The following DSCAML1 variants were observed in gnomAD, a reference collection of about 807,000 sequenced individuals.
DSCAML1 encodes DS cell adhesion molecule like 1, also known as cell adhesion molecule DSCAML1.
Under a neutral mutation model 200.5 loss-of-function variants are expected in DSCAML1, and 38 were observed. The observed-to-expected ratio is 0.19, with a 90% CI of 0.15 to 0.25. The LOEUF is 0.25. Ranked by LOEUF, DSCAML1 falls within the 10% of genes least tolerant of loss-of-function variation. The pLI is 1.00. For missense variants in DSCAML1, 2,223 were observed against 2,858.8 expected (o/e 0.78, Z 5.07); for synonymous variants, 1,215 against 1,165.0 (o/e 1.04, Z -0.87).
chr11:117,613,163 C>G (rs1358208178), intron 3 of DSCAML1, among the ~76,000 whole-genome samples: 1 of 152,050 alleles, frequency 6.6e-6, no homozygotes, highest in African/African-American at 2.4e-5. Context: ...CCTTGATGTC[C>G]ATCCCCCACC....
At chr11:117,497,439 C>T (rs1046784579) in intron 11 of DSCAML1, among the ~76,000 whole-genome samples, 1 of 152,188 alleles carries the variant, frequency 6.6e-6, no homozygotes, top group Non-Finnish European at 1.5e-5. Flanking sequence ...ATGGGGGCTG[C>T]GGCGGGGAGC....
intron 3 of DSCAML1, among the ~76,000 whole-genome samples, chr11:117,701,563 A>C (rs1591417468): frequency 1.3e-5 from 2 of 152,120 alleles, no homozygotes; most frequent in Admixed American, 1.3e-4. Context: ...CCGGCTGGGG[A>C]AGAGCCACGA....
At chr11:117,686,860 T>TGAC (rs1292030396) in intron 3 of DSCAML1, among the ~76,000 whole-genome samples, 2 of 152,212 alleles carry the variant, frequency 1.3e-5, no homozygotes, top group Admixed American at 6.5e-5. Context: ...ATGATGATGA[T>TGAC]GGTAACTCAC....
Position 117,518,358 on chromosome 11 carries a change from CA to C in DSCAML1, c.1510+107del. 6.7e-7 allele frequency: 1 copy of C among 1,488,362 alleles called. No individual in the cohort carries two copies. The highest frequency in any genetic ancestry group is 1.4e-5 in the African/African-American group (1 of 72,298). 92.2% of individuals were successfully genotyped at this position (1,488,362 alleles called of 1,614,324 possible). On this transcript the variant is annotated intron_variant, in intron 7 of 32. Coordinates refer to ENST00000651296, the MANE Select transcript of DSCAML1 (RefSeq NM_020693.4). The surrounding 1 kb of genome is among the most constrained non-coding windows in gnomAD (Gnocchi z 6.3). ...AGGGGAGAGAGACCTCTACTAAAAT[CA>C]AAATGACGATTAATAATAAGTACTA...
chr11:117,474,678 A>G (rs970048197), intron 14 of DSCAML1, among the ~76,000 whole-genome samples: 6 of 151,870 alleles, frequency 4.0e-5, no homozygotes, highest in Admixed American at 3.3e-4. Context: ...CACCACCATT[A>G]TCAATTTCTT....
At chr11:117,742,715 C>G (rs1434139226) in intron 3 of DSCAML1, among the ~76,000 whole-genome samples, 2 of 152,196 alleles carry the variant, frequency 1.3e-5, no homozygotes, top group African/African-American at 4.8e-5. Flanking sequence ...AGCATTTGGA[C>G]CAGTTTACTC....
intron 4 of DSCAML1, among the ~76,000 whole-genome samples, chr11:117,528,104 C>T (rs368158351): frequency 2.0e-5 from 3 of 152,286 alleles, no homozygotes; most frequent in East Asian, 1.9e-4. Context: ...GCTGCAGATG[C>T]GTGGGACAAT....
intron 18 of DSCAML1, among the ~76,000 whole-genome samples, chr11:117,461,244 C>G (rs1221675448): frequency 6.6e-6 from 1 of 151,508 alleles, no homozygotes; most frequent in African/African-American, 2.4e-5. Flanking sequence ...CGGAGGTGTT[C>G]AAGTGAATCC....
chr11:117,678,296 G>A (rs111889978), intron 3 of DSCAML1, among the ~76,000 whole-genome samples: 2,422 of 152,290 alleles, frequency 0.016, 54 homozygotes, highest in African/African-American at 0.055. Flanking sequence ...GTGGGGTGGC[G>A]GGCGGGAGGA....
intron 8 of DSCAML1, among the ~76,000 whole-genome samples, chr11:117,508,611 T>C (rs1037315844): frequency 1.3e-5 from 2 of 152,034 alleles, no homozygotes; most frequent in Non-Finnish European, 2.9e-5. Context: ...TGGTCCCTCC[T>C]AGGGGCCAAG....
In DSCAML1 at chr11:117,439,255, C is replaced by T; in HGVS notation, c.4144+11G>A. On this transcript the variant is annotated intron_variant, in intron 23 of 32. Coordinates refer to ENST00000651296, the MANE Select transcript of DSCAML1 (RefSeq NM_020693.4). ...TCCCCACCTGGGGTCACCTGCCTCA[C>T]AGAGCCTCACCTTGCACCAGAAGGT... 1.2e-6 allele frequency: 2 copies of T among 1,613,512 alleles called. No individual in the cohort carries two copies. Among genetic ancestry groups the T allele is most frequent in the Non-Finnish European group, 1.7e-6 (2 of 1,179,636 alleles).
At chr11:117,525,160 A>T in intron 4 of DSCAML1, 77 bp from the exon 5 acceptor site, 1 of 1,445,560 alleles carries the variant, frequency 6.9e-7, no homozygotes, top group South Asian at 1.4e-5. Context: ...GAAGGCAAGC[A>T]CCCAGACAGG....
chr11:117,803,987 G>A (rs1367846153), intron 1 of DSCAML1, among the ~76,000 whole-genome samples: 1 of 152,222 alleles, frequency 6.6e-6, no homozygotes, highest in African/African-American at 2.4e-5. Flanking sequence ...CTGCAGGGCA[G>A]CATCCCTCCT....
chr11:117,735,366 T>C (rs1017483175), intron 3 of DSCAML1, among the ~76,000 whole-genome samples: 1 of 152,184 alleles, frequency 6.6e-6, no homozygotes, highest in African/African-American at 2.4e-5. Context: ...GGGCATGTAT[T>C]ACTATCCTCA....
rs746807553 is a variant in DSCAML1 at position 117,431,681 on chromosome 11, G to A, written c.5227C>T (p.Arg1743Trp). 8.1e-6 allele frequency: 13 copies of A among 1,608,506 alleles called. No individual in the cohort carries two copies. Among genetic ancestry groups the A allele is most frequent in the Non-Finnish European group, 1.1e-5 (13 of 1,176,540 alleles). ...NVKSAHSTRNRYSSQWTLTKC... is the reference protein window; with the variant it reads ...NVKSAHSTRNWYSSQWTLTKC... ...GTCAGGGTCCACTGGCTTGAGTACC[G>A]GTTCCGGGTGCTGTGGGCTGACTTC... The change falls in exon 31 of 33, where the codon CGG (arginine) becomes TGG (tryptophan). Residue 1743 changes from arginine to tryptophan, a missense_variant. Arg to Trp is a moderately radical substitution (Grantham distance 101, BLOSUM62 -3). Around this residue, in one of 7 missense-constraint regions of DSCAML1, gnomAD observed 614 missense variants for 739.1 expected, o/e 0.83. Transcript: ENST00000651296.
intron 1 of DSCAML1, among the ~76,000 whole-genome samples, chr11:117,812,850 A>C (rs202234193): frequency 0.41 from 57,927 of 139,648 alleles, 12,979 homozygotes; most frequent in Non-Finnish European, 0.46. Context: ...AGGACCGCAC[A>C]CTGTAGCCTT....
chr11:117,725,597 C>A (rs1412436675), intron 3 of DSCAML1, among the ~76,000 whole-genome samples: 1 of 152,186 alleles, frequency 6.6e-6, no homozygotes, highest in Admixed American at 6.5e-5. Flanking sequence ...GAAAACATAT[C>A]ATCCGTTCCG....
intron 3 of DSCAML1, among the ~76,000 whole-genome samples, chr11:117,565,993 G>T (rs1206662279): frequency 1.3e-5 from 2 of 152,216 alleles, no homozygotes; most frequent in Admixed American, 1.3e-4. Flanking sequence ...GGGGCCTGAG[G>T]ACTGGTAGCC....
chr11:117,709,545 G>C (rs908949873), intron 3 of DSCAML1, among the ~76,000 whole-genome samples: 4 of 152,056 alleles, frequency 2.6e-5, no homozygotes, highest in African/African-American at 9.7e-5. Flanking sequence ...GGGTTGGGGG[G>C]AGTGCACAAA....
Sources: allele counts gnomAD v4.1 joint callset (sites outside exome capture counted in the v4.1 genomes callset), GRCh38; gene constraint gnomAD v4.1.1; regional missense constraint gnomAD v4.1.1; non-coding constraint Gnocchi (gnomAD v3.1); transcripts MANE v1.5; gene names NCBI Gene and HGNC (gene_info 2026-07-23, HGNC 2026-07-21).